Variants in PDE4B observed in about 807,000 individuals in gnomAD.
PDE4B encodes the protein 3',5'-cyclic-AMP phosphodiesterase 4B.
PDE4B carries 20 observed loss-of-function variants against 82.2 expected under a neutral mutation model. That is an observed-to-expected ratio of 0.24 (90% CI 0.17 to 0.35). The LOEUF (loss-of-function observed/expected upper bound fraction) is 0.35, where lower values mean the gene tolerates loss of function less well. Among genes scored for constraint, PDE4B ranks in the 10% least tolerant of loss-of-function variants. PDE4B has a pLI of 1.00. For missense variants in PDE4B, 655 were observed against 907.2 expected (o/e 0.72, Z 3.57); for synonymous variants, 320 against 318.9 (o/e 1.00, Z -0.04).
rs562606555 is a variant in PDE4B, at chr1:66,101,798, T to C, written c.282-145662T>C. On this transcript the variant is annotated intron_variant, in intron 3 of 16. Transcript: ENST00000341517. Reference sequence around the variant, plus strand: ...TCTGTAGGTTGCCTGTTCACTCTGATGGTAGTTTCTTTTGCTGTGCAGAAG... The same window carrying C: ...TCTGTAGGTTGCCTGTTCACTCTGACGGTAGTTTCTTTTGCTGTGCAGAAG... Among the ~76,000 whole-genome samples the C allele has an allele frequency of 2.0e-5, 3 of 152,152 alleles. No individual in the cohort carries two copies. In the East Asian group the frequency reaches 5.8e-4, roughly 29 times the overall value.
At chr1:65,796,507 C>A (rs1229753044) in intron 1 of PDE4B, among the ~76,000 whole-genome samples, 1 of 151,864 alleles carries the variant, frequency 6.6e-6, no homozygotes, top group Non-Finnish European at 1.5e-5. Flanking sequence ...TACTACAGAG[C>A]CCATCTAGTA....
chr1:65,976,006 G>A (rs1417782618), intron 3 of PDE4B, among the ~76,000 whole-genome samples: 1 of 152,178 alleles, frequency 6.6e-6, no homozygotes, highest in Non-Finnish European at 1.5e-5. Flanking sequence ...CTGCCCAGTG[G>A]AGCTGTGAGA....
chr1:66,094,552 A>C (rs1294311371), intron 3 of PDE4B: 1 of 152,050 alleles, frequency 6.6e-6, no homozygotes, highest in African/African-American at 2.4e-5. Context: ...AAGCTGATTT[A>C]GTCCTTTAAA....
chr1:65,909,482 T>C (rs1390739083), intron 1 of PDE4B, among the ~76,000 whole-genome samples: 2 of 152,108 alleles, frequency 1.3e-5, no homozygotes, highest in African/African-American at 2.4e-5. Flanking sequence ...AGCCTTTAAA[T>C]ATCTGTGGAG....
intron 1 of PDE4B, among the ~76,000 whole-genome samples, chr1:65,849,386 G>A (rs1293793826): frequency 6.6e-6 from 1 of 152,142 alleles, no homozygotes; most frequent in Non-Finnish European, 1.5e-5. Context: ...CCATAAGGAT[G>A]CATCCTAAAG....
At chr1:66,274,135 A>T (rs1363062085) in intron 7 of PDE4B, among the ~76,000 whole-genome samples, 1 of 151,492 alleles carries the variant, frequency 6.6e-6, no homozygotes, top group Non-Finnish European at 1.5e-5. Flanking sequence ...CTTCTCTGAG[A>T]CTCACTTTTC....
chr1:66,110,482 A>G (rs1026083411), intron 3 of PDE4B, among the ~76,000 whole-genome samples: 12 of 152,184 alleles, frequency 7.9e-5, no homozygotes, highest in Middle Eastern at 3.4e-3. Flanking sequence ...TTGTTGTGGA[A>G]ATAATGTGTG....
chr1:65,991,244 A>G (rs1392732522), intron 3 of PDE4B, among the ~76,000 whole-genome samples: 1 of 151,696 alleles, frequency 6.6e-6, no homozygotes, highest in African/African-American at 2.4e-5. Flanking sequence ...AGCCTGGGTA[A>G]TTTTTGTATT....
chr1:66,193,153 T>G (rs2101485920), intron 3 of PDE4B, among the ~76,000 whole-genome samples: 1 of 152,324 alleles, frequency 6.6e-6, no homozygotes, highest in African/African-American at 2.4e-5. Flanking sequence ...GAAAGTAAGA[T>G]GTTTCCACAA....
chr1:66,250,046 C>T (rs1653630742), intron 4 of PDE4B, among the ~76,000 whole-genome samples: 1 of 152,276 alleles, frequency 6.6e-6, no homozygotes, highest in East Asian at 1.9e-4. Context: ...TATTAAGCTT[C>T]TTCTAGTAAT....
intron 3 of PDE4B, among the ~76,000 whole-genome samples, chr1:66,211,782 A>G (rs984866334): frequency 1.3e-5 from 2 of 152,190 alleles, no homozygotes; most frequent in Non-Finnish European, 2.9e-5. Context: ...CAACTTTGTG[A>G]TGTTTTCAGT....
chr1:65,800,840 A>G (rs1271222496), intron 1 of PDE4B, among the ~76,000 whole-genome samples: 1 of 152,196 alleles, frequency 6.6e-6, no homozygotes, highest in East Asian at 1.9e-4. Flanking sequence ...CAATTTGGGG[A>G]ACAAACATTT....
At chr1:66,133,744 G>A (rs1041313647) in intron 3 of PDE4B, among the ~76,000 whole-genome samples, 3 of 152,128 alleles carry the variant, frequency 2.0e-5, no homozygotes, top group Admixed American at 1.3e-4. Flanking sequence ...TCTCCTTCCT[G>A]GTGTCTTGCT....
intron 7 of PDE4B, among the ~76,000 whole-genome samples, chr1:66,278,683 A>G (rs1034263843): frequency 6.6e-5 from 10 of 152,242 alleles, no homozygotes; most frequent in African/African-American, 2.4e-4. Context: ...AAACACTGGA[A>G]GAAGCTTTTC....
intron 3 of PDE4B, among the ~76,000 whole-genome samples, chr1:65,933,414 T>C: frequency 6.6e-6 from 1 of 152,108 alleles, no homozygotes; most frequent in Non-Finnish European, 1.5e-5. Flanking sequence ...GCAGAGAGGC[T>C]GGGCGCTGTG....
intron 7 of PDE4B, among the ~76,000 whole-genome samples, chr1:66,287,490 T>C (rs935214708): frequency 6.6e-6 from 1 of 152,128 alleles, no homozygotes; most frequent in African/African-American, 2.4e-5. Context: ...CCAGCGTTCC[T>C]CTTGGTGAAA....
intron 3 of PDE4B, among the ~76,000 whole-genome samples, chr1:66,080,302 A>G (rs1382166070): frequency 6.6e-6 from 1 of 152,130 alleles, no homozygotes; most frequent in African/African-American, 2.4e-5. Flanking sequence ...TACCAATAGA[A>G]CATGCCTGTA....
At chr1:66,178,851 T>G (rs1343007421) in intron 3 of PDE4B, among the ~76,000 whole-genome samples, 1 of 151,694 alleles carries the variant, frequency 6.6e-6, no homozygotes, top group Non-Finnish European at 1.5e-5. Context: ...CTATCTTAAC[T>G]TTTTTTTTCT....
intron 7 of PDE4B, among the ~76,000 whole-genome samples, chr1:66,273,584 C>T (rs555102006): frequency 6.6e-6 from 1 of 152,334 alleles, no homozygotes; most frequent in South Asian, 2.1e-4. Context: ...TAATTATTAT[C>T]TCAAAATCTC....
Sources: allele counts gnomAD v4.1 joint callset (sites outside exome capture counted in the v4.1 genomes callset), GRCh38; gene constraint gnomAD v4.1.1; transcripts MANE v1.5; gene names NCBI Gene and HGNC (gene_info 2026-07-23, HGNC 2026-07-21).